The following SCD5 variants were observed in gnomAD, a reference collection of about 807,000 sequenced individuals.
SCD5 encodes stearoyl-CoA desaturase 5.
Under a neutral mutation model 30.4 loss-of-function variants are expected in SCD5, and 20 were observed. The ratio of observed to expected loss-of-function variants is 0.66; its 90% confidence interval spans 0.46 to 0.96. SCD5 has a LOEUF of 0.96. Ranked by LOEUF, SCD5 falls within the 40% of genes least tolerant of loss-of-function variation. The pLI is 0.00. For missense variants in SCD5, 381 were observed against 443.3 expected, an observed-to-expected ratio of 0.86 and a Z score of 1.26; for synonymous variants, 173 against 176.4, an observed-to-expected ratio of 0.98 and a Z score of 0.16.
At chr4:82,641,903 G>A (rs78272608) in intron 3 of SCD5, among the ~76,000 whole-genome samples, 6,471 of 152,120 alleles carry the variant, frequency 0.043, 184 homozygotes, top group Middle Eastern at 0.092. Context: ...GCCCTAAGCC[G>A]ATGTAGGGGA....
intron 1 of SCD5, among the ~76,000 whole-genome samples, chr4:82,774,771 C>T (rs1721708215): frequency 6.6e-6 from 1 of 152,146 alleles, no homozygotes; most frequent in African/African-American, 2.4e-5. Context: ...CCCACCCTGC[C>T]CGCTTCTCTT....
chr4:82,698,930 A>T (rs1719754754), intron 2 of SCD5, among the ~76,000 whole-genome samples: 1 of 152,128 alleles, frequency 6.6e-6, no homozygotes, highest in Non-Finnish European at 1.5e-5. Context: ...TCCTACTGTA[A>T]TATACACGTT....
At chr4:82,696,301 A>G (rs1719694068) in intron 2 of SCD5, among the ~76,000 whole-genome samples, 1 of 152,240 alleles carries the variant, frequency 6.6e-6, no homozygotes, top group African/African-American at 2.4e-5. Context: ...GCATTGAGGC[A>G]GCATTCCTGA....
intron 1 of SCD5, among the ~76,000 whole-genome samples, chr4:82,716,336 G>A (rs1037198997): frequency 6.6e-6 from 1 of 151,750 alleles, no homozygotes; most frequent in African/African-American, 2.4e-5. Context: ...GGGTGATACC[G>A]ACTTACTGTC....
chr4:82,789,381 T>C (rs1169677938), intron 1 of SCD5, among the ~76,000 whole-genome samples: 1 of 152,166 alleles, frequency 6.6e-6, no homozygotes, highest in Non-Finnish European at 1.5e-5. Context: ...CCCACTCAAG[T>C]CCAGCTTCTC....
In SCD5 at chr4:82,680,820, G is replaced by C. The variant is rs1210554823; in HGVS notation, c.456C>G (p.Phe152Leu). The C allele has an allele frequency of 4.3e-6, 7 of 1,613,812 alleles. No individual in the cohort carries two copies. Among genetic ancestry groups the C allele is most frequent in the Non-Finnish European group, 5.9e-6 (7 of 1,180,024 alleles). Residue 152 changes from phenylalanine to leucine, a missense_variant, in exon 3 of 5, where the codon TTC becomes TTG. Coordinates refer to ENST00000319540, the MANE Select transcript of SCD5 (RefSeq NM_001037582.3). ...CAAACAGCCACCCAATATGGGAGAA[G>C]AAGAAGCCCCGGCGGGCATTGTGGG... ...ADPHNARRGF[F>L]FSHIGWLFVR...
chr4:82,789,355 G>T (rs376159184), intron 1 of SCD5, among the ~76,000 whole-genome samples: 1 of 152,178 alleles, frequency 6.6e-6, no homozygotes, highest in African/African-American at 2.4e-5. Flanking sequence ...GCCATCAAAA[G>T]GAAAAACTGC....
At position 82,629,771 on chromosome 4, in the gene SCD5, T is replaced by C. The variant is rs117694935; in HGVS notation, c.*1556A>G. The C allele has an allele frequency of 6.6e-6, 1 of 152,338 alleles. No homozygotes were observed. Among genetic ancestry groups the C allele is most frequent in the East Asian group, 1.9e-4 (1 of 5,188 alleles). The allele number at this position is 152,338 out of a possible 1,614,324, so 9.4% of individuals were successfully genotyped here. Reference sequence around the variant, plus strand: ...ATAAGCCCTTTCTTTTGCTCTAACATCTAACACAAAGGGCACACTGTCCCA... The same window carrying C: ...ATAAGCCCTTTCTTTTGCTCTAACACCTAACACAAAGGGCACACTGTCCCA... On this transcript the variant is annotated 3_prime_UTR_variant, in exon 5 of 5. Transcript: ENST00000319540.
intron 3 of SCD5, among the ~76,000 whole-genome samples, chr4:82,653,711 G>GATAGATAGATAGATAGATAGAT (rs1553914419): frequency 1.2e-4 from 18 of 147,526 alleles, no homozygotes; most frequent in South Asian, 4.6e-4. Flanking sequence ...GATAGATATA[G>GATAGATAGATAGATAGATAGAT]ATAGATAGAT....
At chr4:82,680,986 C>T (rs1186159901) in intron 2 of SCD5, 74 bp from the exon 3 acceptor site, 1 of 1,269,934 alleles carries the variant, frequency 7.9e-7, no homozygotes, top group Middle Eastern at 2.6e-4. Flanking sequence ...GCTTCCCAGC[C>T]TCCCCTCCCC....
At chr4:82,707,386 G>C (rs1022225708) in intron 1 of SCD5, among the ~76,000 whole-genome samples, 1 of 152,140 alleles carries the variant, frequency 6.6e-6, no homozygotes, top group African/African-American at 2.4e-5. Context: ...AATATATGGA[G>C]CAGCCTAGAG....
intron 1 of SCD5, among the ~76,000 whole-genome samples, chr4:82,762,767 T>C (rs1354447424): frequency 6.6e-6 from 1 of 152,208 alleles, no homozygotes; most frequent in East Asian, 1.9e-4. Flanking sequence ...AGTTTCTCTT[T>C]CATTAATTCA....
chr4:82,783,220 C>T (rs1231318407), intron 1 of SCD5, among the ~76,000 whole-genome samples: 1 of 152,198 alleles, frequency 6.6e-6, no homozygotes, highest in Non-Finnish European at 1.5e-5. Context: ...CCACCCATCT[C>T]CAGCCTCTCA....
At chr4:82,656,154 T>C (rs1327184883) in intron 3 of SCD5, among the ~76,000 whole-genome samples, 1 of 152,132 alleles carries the variant, frequency 6.6e-6, no homozygotes, top group East Asian at 1.9e-4. Context: ...ATGTACAGAT[T>C]TGTTACATAG....
chr4:82,737,785 C>T (rs1720781440), intron 1 of SCD5, among the ~76,000 whole-genome samples: 1 of 152,150 alleles, frequency 6.6e-6, no homozygotes, highest in African/African-American at 2.4e-5. Flanking sequence ...TTTACAACCA[C>T]TGGATCAAAC....
At chr4:82,697,448 G>C (rs548969575) in intron 2 of SCD5, among the ~76,000 whole-genome samples, 16 of 152,308 alleles carry the variant, frequency 1.1e-4, no homozygotes, top group Non-Finnish European at 1.8e-4. Context: ...GGTGCTGTGA[G>C]AAACAGACTA....
intron 1 of SCD5, among the ~76,000 whole-genome samples, chr4:82,712,082 T>A (rs1177496669): frequency 6.7e-6 from 1 of 148,902 alleles, no homozygotes; most frequent in Non-Finnish European, 1.5e-5. Context: ...ACCACAAGTG[T>A]AGGGGGTAGG....
intron 1 of SCD5, among the ~76,000 whole-genome samples, chr4:82,724,836 C>T (rs774546439): frequency 1.3e-4 from 20 of 152,164 alleles, no homozygotes; most frequent in Non-Finnish European, 2.5e-4. Context: ...CAGGAAGATA[C>T]GAACCTAGAC....
rs113800907 is a variant in SCD5 at position 82,696,444 on chromosome 4, G to A, written c.363+8839C>T. On this transcript the variant is annotated intron_variant, in intron 2 of 4. Transcript: ENST00000319540. ...TATCTAATAAAGGGGTGGGGAAGAG[G>A]CCACTAACAGAAGGCCTCACTGTGT... Among the ~76,000 whole-genome samples, 572 of 152,282 alleles carry A rather than the reference G, an allele frequency of 3.8e-3. 7 individuals carry two copies. The highest frequency in any genetic ancestry group is 0.013 in the African/African-American group (536 of 41,550).
Sources: allele counts gnomAD v4.1 joint callset (sites outside exome capture counted in the v4.1 genomes callset), GRCh38; gene constraint gnomAD v4.1.1; transcripts MANE v1.5; gene names NCBI Gene and HGNC (gene_info 2026-07-23, HGNC 2026-07-21).